Variants in P3H2 observed in about 807,000 individuals in gnomAD.
The protein encoded by P3H2 is leprecan-like 1.
A neutral mutation model predicts 87.0 loss-of-function variants in P3H2; 80 were observed. That is an observed-to-expected ratio of 0.92 (90% CI 0.77 to 1.11). The LOEUF is 1.11. Ranked by LOEUF, P3H2 falls within the 50% of genes least tolerant of loss-of-function variation. The pLI is 0.00. For missense variants in P3H2, 1,001 were observed against 923.9 expected (o/e 1.08, Z -1.08); for synonymous variants, 367 against 359.3 (o/e 1.02, Z -0.24).
intron 1 of P3H2, among the ~76,000 whole-genome samples, chr3:190,015,045 C>T (rs1724708020): frequency 6.6e-6 from 1 of 152,140 alleles, no homozygotes; most frequent in African/African-American, 2.4e-5. Context: ...GAGACAGAGT[C>T]TCACTCTGAC....
At position 190,024,763 on chromosome 3, in the gene P3H2, C is replaced by T. The variant is rs191379219; in HGVS notation, c.481-29321G>A. Among the ~76,000 whole-genome samples, 447 of 152,042 alleles carry T rather than the reference C, an allele frequency of 2.9e-3. 3 individuals are homozygous for T. Among genetic ancestry groups the T allele is most frequent in the African/African-American group, 0.01 (421 of 41,490 alleles). On this transcript the variant is annotated intron_variant, in intron 1 of 14. Coordinates refer to ENST00000319332, the MANE Select transcript of P3H2 (RefSeq NM_018192.4). Reference sequence around the variant, plus strand: ...TATCGTCCCCAATATAAAAGAAAGACTGAGAATATAAAAAGAGGATTTCAA... The same window carrying T: ...TATCGTCCCCAATATAAAAGAAAGATTGAGAATATAAAAAGAGGATTTCAA...
chr3:189,960,587 C>G (rs180971302), intron 14 of P3H2, among the ~76,000 whole-genome samples: 70 of 152,290 alleles, frequency 4.6e-4, no homozygotes, highest in African/African-American at 1.7e-3. Flanking sequence ...TGATATCCCT[C>G]AAACCACGCA....
At chr3:190,084,656 G>A (rs1194884069) in intron 1 of P3H2, among the ~76,000 whole-genome samples, 1 of 152,068 alleles carries the variant, frequency 6.6e-6, no homozygotes, top group East Asian at 1.9e-4. Context: ...AAATATTATT[G>A]TATAAAAATA....
Position 189,995,323 on chromosome 3 carries a change from C to T in P3H2, c.600G>A (p.Leu200=), listed in dbSNP as rs1413182817. The T allele has an allele frequency of 2.2e-5, 35 of 1,613,998 alleles. No homozygotes were observed. Among genetic ancestry groups the T allele is most frequent in the Non-Finnish European group, 2.6e-5 (31 of 1,180,026 alleles). Residue 200 remains leucine, a synonymous_variant, in exon 2 of 15, where the codon TTG becomes TTA. Coordinates refer to ENST00000319332, the MANE Select transcript of P3H2 (RefSeq NM_018192.4). ...NYRATAGVEA[L]QLVDREAKPH... is the part of the protein sequence containing the mutation. ...GCTTGGCTTCTCTGTCTACCAACTG[C>T]AATGCTTCAACACCAGCTGTCGCCC...
At chr3:189,958,081 TC>T in intron 14 of P3H2, 77 bp from the exon 15 acceptor site, 4 of 1,022,646 alleles carry the variant, frequency 3.9e-6, no homozygotes, top group Non-Finnish European at 4.7e-6. Flanking sequence ...CCCAAACACT[TC>T]CTGGCATCCA....
At chr3:190,050,003 A>T (rs545134916) in intron 1 of P3H2, among the ~76,000 whole-genome samples, 1 of 152,312 alleles carries the variant, frequency 6.6e-6, no homozygotes, top group South Asian at 2.1e-4. Flanking sequence ...ATATCTCTCA[A>T]AGCTGGTTGA....
intron 1 of P3H2, among the ~76,000 whole-genome samples, chr3:190,106,634 A>T (rs1711848957): frequency 6.6e-6 from 1 of 152,168 alleles, no homozygotes; most frequent in Admixed American, 6.6e-5. Flanking sequence ...TCACGTAGAC[A>T]AGTTTCATAC....
chr3:189,980,403 A>G lies in P3H2; in HGVS notation c.1324+2643T>C, dbSNP rs1017390596. The stretch of plus-strand genomic sequence containing the variant: ...TATGGTGAAATCTCGTCTCTACTAA[A>G]AATGCAAAAATTAGCCGGGTATGGT... On this transcript the variant is annotated intron_variant, in intron 8 of 14. Transcript: ENST00000319332. Among the ~76,000 whole-genome samples, 57 of 152,084 alleles carry G rather than the reference A, an allele frequency of 3.7e-4. 1 individual carries two copies. Among genetic ancestry groups the G allele is most frequent in the South Asian group, 2.1e-4 (1 of 4,814 alleles).
chr3:190,045,294 T>C (rs999575266), intron 1 of P3H2, among the ~76,000 whole-genome samples: 1 of 152,206 alleles, frequency 6.6e-6, no homozygotes, highest in African/African-American at 2.4e-5. Flanking sequence ...ATTAATGCAA[T>C]TGTGTGGTAC....
rs558027000 is a variant in P3H2 at position 190,020,293 on chromosome 3, T to G, written c.481-24851A>C. ...GCACACGAATGTGTGATCTTGCTAA[T>G]GTAAACGTCAAAGGATTTAGAAAAA... On this transcript the variant is annotated intron_variant, in intron 1 of 14. Coordinates refer to ENST00000319332, the MANE Select transcript of P3H2 (RefSeq NM_018192.4). Among the ~76,000 whole-genome samples the G allele has an allele frequency of 1.9e-3, 262 of 134,938 alleles. 34 individuals are homozygous for G. Among genetic ancestry groups the G allele is most frequent in the African/African-American group, 6.5e-3 (252 of 39,026 alleles). The allele number at this position is 134,938 out of a possible 152,430, so 88.5% of individuals were successfully genotyped here.
At chr3:190,006,470 A>G (rs1577268406) in intron 1 of P3H2, among the ~76,000 whole-genome samples, 2 of 152,226 alleles carry the variant, frequency 1.3e-5, no homozygotes, top group East Asian at 3.8e-4. Context: ...TGGTCACTTC[A>G]GTCATAGAAC....
intron 1 of P3H2, among the ~76,000 whole-genome samples, chr3:190,090,604 G>A (rs1727377245): frequency 6.6e-6 from 1 of 152,072 alleles, no homozygotes; most frequent in Non-Finnish European, 1.5e-5. Context: ...TCGGGAGGCT[G>A]AGGCAGGAGA....
chr3:189,982,298 T>C (rs551471488), intron 8 of P3H2, among the ~76,000 whole-genome samples: 4 of 152,314 alleles, frequency 2.6e-5, no homozygotes, highest in Non-Finnish European at 2.9e-5. Flanking sequence ...AAATAAATTG[T>C]GTGCAAATTT....
chr3:189,985,527 G>A (rs971291637), intron 6 of P3H2, among the ~76,000 whole-genome samples: 6 of 150,976 alleles, frequency 4.0e-5, no homozygotes, highest in Admixed American at 4.0e-4. Flanking sequence ...TCCCACATGA[G>A]ATAGTGTTAG....
intron 1 of P3H2, among the ~76,000 whole-genome samples, chr3:190,016,737 C>T (rs1483469747): frequency 6.6e-6 from 1 of 152,104 alleles, no homozygotes; most frequent in African/African-American, 2.4e-5. Context: ...CTGGCCAAAC[C>T]CCACTCTCTC....
In P3H2 at chr3:190,113,816, G is replaced by A. The variant is rs185701586; in HGVS notation, c.480+6436C>T. Among the ~76,000 whole-genome samples, 1,177 of 152,226 alleles carry A rather than the reference G, an allele frequency of 7.7e-3. 12 individuals carry two copies. The highest frequency in any genetic ancestry group is 0.027 in the African/African-American group (1,117 of 41,560). ...AAGGAGGCCGGGCGCAGTGGCTCGC[G>A]CCTGTAATCCCAGCACTTTGGGAGG... On this transcript the variant is annotated intron_variant, in intron 1 of 14. Coordinates refer to ENST00000319332, the MANE Select transcript of P3H2 (RefSeq NM_018192.4).
chr3:189,959,326 A>G (rs919358146), intron 14 of P3H2, among the ~76,000 whole-genome samples: 4 of 150,732 alleles, frequency 2.7e-5, no homozygotes, highest in Admixed American at 6.6e-5. Context: ...ACATATGTAT[A>G]CATGTGCCAT....
At chr3:189,959,213 C>T (rs1435254794) in intron 14 of P3H2, among the ~76,000 whole-genome samples, 3 of 118,508 alleles carry the variant, frequency 2.5e-5, no homozygotes. Flanking sequence ...TAAGAAGTTG[C>T]TTTACACCTG....
chr3:190,052,282 C>T lies in P3H2; in HGVS notation c.481-56840G>A, dbSNP rs112909969. On this transcript the variant is annotated intron_variant, in intron 1 of 14. Coordinates refer to ENST00000319332, the MANE Select transcript of P3H2 (RefSeq NM_018192.4). ...ACAAGCCCCGGTGTGTGATGTTACC[C>T]TCCCTGGGTCCATATGTTCTAATTT... 4.6e-3 allele frequency among the ~76,000 whole-genome samples: 699 copies of T among 152,106 alleles called. 4 individuals are homozygous for T. Among genetic ancestry groups the T allele is most frequent in the African/African-American group, 0.015 (626 of 41,484 alleles).
Sources: gnomAD v4.1 joint callset for allele counts (sites outside exome capture counted in the v4.1 genomes callset) on GRCh38, gnomAD v4.1.1 for gene constraint, MANE v1.5 for transcripts, NCBI Gene and HGNC (gene_info 2026-07-23, HGNC 2026-07-21) for gene names.